The following MICU2 variants were observed in gnomAD, a reference collection of about 807,000 sequenced individuals.
MICU2 encodes the protein mitochondrial calcium uptake 2.
In MICU2, 64 loss-of-function variants were observed where a neutral mutation model predicts 60.4. The observed-to-expected ratio is 1.06, with a 90% CI of 0.87 to 1.31. The LOEUF (loss-of-function observed/expected upper bound fraction) is 1.31. MICU2 is among the 50% of genes most tolerant of loss of function. MICU2 has a pLI of 0.00. For missense variants in MICU2, 569 were observed against 531.0 expected (o/e 1.07, Z -0.70); for synonymous variants, 201 against 175.0 (o/e 1.15, Z -1.17).
At chr13:21,504,644 A>G (rs1290853859) in intron 8 of MICU2, among the ~76,000 whole-genome samples, 2 of 152,210 alleles carry the variant, frequency 1.3e-5, no homozygotes, top group Non-Finnish European at 2.9e-5. Context: ...TGCCAGACAC[A>G]TTGTGAACAA....
At chr13:21,536,887 C>A (rs533215997) in intron 4 of MICU2, among the ~76,000 whole-genome samples, 23 of 152,080 alleles carry the variant, frequency 1.5e-4, no homozygotes, top group Non-Finnish European at 2.8e-4. Flanking sequence ...TTAACTATGC[C>A]AACTTCTATT....
intron 1 of MICU2, among the ~76,000 whole-genome samples, chr13:21,577,887 G>A (rs1468398384): frequency 6.6e-6 from 1 of 151,322 alleles, no homozygotes; most frequent in Non-Finnish European, 1.5e-5. Flanking sequence ...GCTGAGGCAG[G>A]AGGATCACTT....
At chr13:21,548,699 T>C (rs533143194) in intron 2 of MICU2, among the ~76,000 whole-genome samples, 20 of 152,262 alleles carry the variant, frequency 1.3e-4, no homozygotes, top group South Asian at 1.2e-3. Flanking sequence ...TTTACCACAA[T>C]TGACACCTGG....
At chr13:21,579,765 C>A (rs913786118) in intron 1 of MICU2, among the ~76,000 whole-genome samples, 5 of 151,894 alleles carry the variant, frequency 3.3e-5, no homozygotes, top group Admixed American at 6.6e-5. Flanking sequence ...TTGTAAGATA[C>A]CCATGGTCTC....
intron 9 of MICU2, among the ~76,000 whole-genome samples, chr13:21,500,187 C>T (rs991921223): frequency 2.0e-5 from 3 of 152,154 alleles, no homozygotes; most frequent in Admixed American, 1.3e-4. Flanking sequence ...GGGGAACTGA[C>T]ACAAATATGT....
At chr13:21,531,634 G>A (rs1284787071) in intron 4 of MICU2, among the ~76,000 whole-genome samples, 7 of 152,244 alleles carry the variant, frequency 4.6e-5, no homozygotes, top group East Asian at 1.9e-4. Flanking sequence ...TAGTACACGC[G>A]TCAAGATTTG....
At chr13:21,549,797 G>A (rs957998944) in intron 2 of MICU2, among the ~76,000 whole-genome samples, 12 of 152,192 alleles carry the variant, frequency 7.9e-5, no homozygotes, top group African/African-American at 2.9e-4. Context: ...CCACAAGTAT[G>A]CTGAACAGAC....
intron 2 of MICU2, among the ~76,000 whole-genome samples, chr13:21,553,707 C>A (rs1462025143): frequency 6.6e-6 from 1 of 151,232 alleles, no homozygotes; most frequent in Non-Finnish European, 1.5e-5. Flanking sequence ...TGTAAATGGG[C>A]TAAATGCTCC....
rs751781008 is a variant in MICU2, at chr13:21,604,141, G to C, written c.8C>G (p.Ala3Gly). 2.6e-6 allele frequency: 4 copies of C among 1,556,940 alleles called. No individual in the cohort carries two copies. In the African/African-American group the frequency reaches 5.6e-5, roughly 22 times the overall value. The change falls in exon 1 of 12, where the codon GCG becomes GGG. Residue 3 changes from alanine (A) to glycine (G), a missense_variant. Coordinates refer to ENST00000382374, the MANE Select transcript of MICU2 (RefSeq NM_152726.3). MA[A>G]AAGSCARVAA... ...CACCCGCGCGCAGCTACCCGCAGCC[G>C]CCGCCATCTTTGCGGAAGCGCAGCT...
chr13:21,517,802 C>T (rs1256970275), intron 6 of MICU2, among the ~76,000 whole-genome samples: 2 of 61,756 alleles, frequency 3.2e-5, no homozygotes, highest in East Asian at 5.2e-4. Context: ...CACACACACG[C>T]GCGCGCGCGC....
chr13:21,536,390 C>G (rs899584896), intron 4 of MICU2, among the ~76,000 whole-genome samples: 1 of 151,846 alleles, frequency 6.6e-6, no homozygotes, highest in Non-Finnish European at 1.5e-5. Flanking sequence ...TGACCACACA[C>G]AGCTCACTGC....
At chr13:21,530,863 C>T in intron 4 of MICU2, 2 of 739,466 alleles carry the variant, frequency 2.7e-6, no homozygotes, top group South Asian at 1.5e-5. Flanking sequence ...CCTGGACTCA[C>T]CCTCCTACGT....
At chr13:21,577,465 G>A (rs1381633455) in intron 1 of MICU2, among the ~76,000 whole-genome samples, 1 of 151,746 alleles carries the variant, frequency 6.6e-6, no homozygotes, top group Non-Finnish European at 1.5e-5. Context: ...GACCAGCCTG[G>A]GCAACACAGC....
At chr13:21,571,815 G>C (rs1351511622) in intron 1 of MICU2, among the ~76,000 whole-genome samples, 1 of 152,260 alleles carries the variant, frequency 6.6e-6, no homozygotes, top group Non-Finnish European at 1.5e-5. Flanking sequence ...CACTAAAGGT[G>C]GCTCTGACAG....
At chr13:21,565,385 C>T (rs117190984) in intron 2 of MICU2, among the ~76,000 whole-genome samples, 3,003 of 151,058 alleles carry the variant, frequency 0.02, 58 homozygotes, top group Non-Finnish European at 0.025. Context: ...AGGCTGGGCG[C>T]GGTGGCTCAT....
At chr13:21,536,430 C>T (rs73156611) in intron 4 of MICU2, among the ~76,000 whole-genome samples, 6,339 of 152,026 alleles carry the variant, frequency 0.042, 178 homozygotes, top group Non-Finnish European at 0.059. Flanking sequence ...CGAGCTCAAG[C>T]GATCCTGTCA....
At chr13:21,569,990 G>A (rs554109446) in intron 1 of MICU2, among the ~76,000 whole-genome samples, 116 of 152,204 alleles carry the variant, frequency 7.6e-4, no homozygotes, top group Middle Eastern at 3.4e-3. Context: ...GTGGGTAATG[G>A]TAGTTGGGAA....
chr13:21,600,933 A>G (rs1888799910), intron 1 of MICU2, among the ~76,000 whole-genome samples: 2 of 152,096 alleles, frequency 1.3e-5, no homozygotes, highest in Non-Finnish European at 2.9e-5. Context: ...AGTGGCTGGG[A>G]CTACAGGCGC....
chr13:21,521,382 T>C, intron 5 of MICU2, 55 bp from the exon 6 acceptor site: 2 of 1,418,154 alleles, frequency 1.4e-6, no homozygotes, highest in Non-Finnish European at 2.0e-6. Flanking sequence ...AAGTTATTTG[T>C]AGATAGATAG....
Sources: allele counts gnomAD v4.1 joint callset (sites outside exome capture counted in the v4.1 genomes callset), GRCh38; gene constraint gnomAD v4.1.1; transcripts MANE v1.5; gene names NCBI Gene and HGNC (gene_info 2026-07-23, HGNC 2026-07-21).